CSGALNACT1: variants seen among roughly 807,000 people sequenced by gnomAD.
CSGALNACT1 encodes the protein beta4GalNAcT-1.
CSGALNACT1 carries 52 observed loss-of-function variants against 51.0 expected under a neutral mutation model. The ratio of observed to expected loss-of-function variants is 1.02; its 90% CI spans 0.82 to 1.29. The LOEUF (loss-of-function observed/expected upper bound fraction) is 1.29, where lower values mean the gene tolerates loss of function less well. Ranked by LOEUF, CSGALNACT1 falls within the 50% of genes most tolerant of loss-of-function variation. The pLI, the probability that CSGALNACT1 is intolerant of heterozygous loss-of-function variation, is 0.00. For synonymous variants in CSGALNACT1, 341 were observed against 254.4 expected (o/e 1.34, Z -3.24); for missense variants, 935 against 679.2 (o/e 1.38, Z -4.19).
chr8:19,705,671 A>G (rs1401406140), intron 1 of CSGALNACT1, among the ~76,000 whole-genome samples: 1 of 152,082 alleles, frequency 6.6e-6, no homozygotes, highest in Non-Finnish European at 1.5e-5. Context: ...GGGGAGGGGG[A>G]GGCTGCAGTG....
intron 3 of CSGALNACT1, among the ~76,000 whole-genome samples, chr8:19,532,266 C>G (rs1490493621): frequency 1.3e-5 from 2 of 152,112 alleles, no homozygotes; most frequent in African/African-American, 2.4e-5. Context: ...GCCATGGCTT[C>G]TTTATCCAAG....
chr8:19,519,223 C>A (rs1452186718), intron 3 of CSGALNACT1, among the ~76,000 whole-genome samples: 1 of 152,140 alleles, frequency 6.6e-6, no homozygotes, highest in Non-Finnish European at 1.5e-5. Context: ...GCTGGAGAAT[C>A]CTTGGACCTT....
chr8:19,718,271 T>G (rs2062925488), intron 1 of CSGALNACT1, among the ~76,000 whole-genome samples: 1 of 152,142 alleles, frequency 6.6e-6, no homozygotes. Flanking sequence ...TTTTTGTATT[T>G]TTGTATTTTT....
At chr8:19,465,050 T>C (rs1228795298) in intron 4 of CSGALNACT1, among the ~76,000 whole-genome samples, 1 of 152,174 alleles carries the variant, frequency 6.6e-6, no homozygotes, top group African/African-American at 2.4e-5. Flanking sequence ...GAACTCATGA[T>C]CACAGCAGCA....
At chr8:19,683,956 A>C (rs555987470), upstream of CSGALNACT1, among the ~76,000 whole-genome samples, 2 of 152,302 alleles carry the variant, frequency 1.3e-5, no homozygotes, top group South Asian at 4.1e-4. Context: ...ATCTGAGGTC[A>C]GGAGTTCAAA....
At chr8:19,457,230 A>C (rs1292709742) in intron 5 of CSGALNACT1, among the ~76,000 whole-genome samples, 3 of 152,242 alleles carry the variant, frequency 2.0e-5, no homozygotes, top group Admixed American at 2.0e-4. Flanking sequence ...AAATTCAAAC[A>C]GAGTACGCTC....
intron 3 of CSGALNACT1, among the ~76,000 whole-genome samples, chr8:19,512,910 C>G (rs2078726377): frequency 6.6e-6 from 1 of 152,128 alleles, no homozygotes; most frequent in Non-Finnish European, 1.5e-5. Flanking sequence ...GTAGAAGTAG[C>G]TGACTATTAC....
intron 1 of CSGALNACT1, among the ~76,000 whole-genome samples, chr8:19,691,805 C>T (rs1232918315): frequency 3.3e-5 from 5 of 152,124 alleles, no homozygotes; most frequent in East Asian, 1.9e-4. Context: ...CCAAGTGTGT[C>T]GCTGGGCTGG....
intron 3 of CSGALNACT1, among the ~76,000 whole-genome samples, chr8:19,539,476 G>A (rs2084567197): frequency 6.6e-6 from 1 of 152,182 alleles, no homozygotes; most frequent in Non-Finnish European, 1.5e-5. Context: ...CTGGCATATA[G>A]AAAGCACTGA....
chr8:19,426,557 G>A (rs1420457833), intron 6 of CSGALNACT1, among the ~76,000 whole-genome samples: 1 of 152,186 alleles, frequency 6.6e-6, no homozygotes, highest in African/African-American at 2.4e-5. Context: ...TTATGAAACT[G>A]AACGTGCAGT....
upstream of CSGALNACT1, among the ~76,000 whole-genome samples, chr8:19,684,321 C>A (rs989803144): frequency 6.6e-6 from 1 of 152,014 alleles, no homozygotes; most frequent in African/African-American, 2.4e-5. Context: ...GGAAAAGGTA[C>A]GTTCATTGAC....
At chr8:19,544,565 T>C (rs549232991) in intron 3 of CSGALNACT1, among the ~76,000 whole-genome samples, 1 of 152,192 alleles carries the variant, frequency 6.6e-6, no homozygotes, top group Admixed American at 6.5e-5. Flanking sequence ...CCTGATTGAA[T>C]GACCCTTTTG....
At chr8:19,727,182 G>C (rs559154785) in intron 1 of CSGALNACT1, among the ~76,000 whole-genome samples, 2 of 152,198 alleles carry the variant, frequency 1.3e-5, no homozygotes, top group East Asian at 3.9e-4. Context: ...GGAAATCAGA[G>C]GGCTTATGGA....
At chr8:19,407,454 G>C in intron 9 of CSGALNACT1, among the ~76,000 whole-genome samples, 1 of 152,110 alleles carries the variant, frequency 6.6e-6, no homozygotes, top group Middle Eastern at 3.2e-3. Context: ...CTGCACCTGA[G>C]ATCAACGTTT....
At chr8:19,492,386 G>C (rs1268012996) in intron 4 of CSGALNACT1, among the ~76,000 whole-genome samples, 1 of 152,228 alleles carries the variant, frequency 6.6e-6, no homozygotes, top group Non-Finnish European at 1.5e-5. Context: ...ATTATCCCAG[G>C]ATGGTAAATT....
chr8:19,741,241 T>C (rs554250292), intron 1 of CSGALNACT1, among the ~76,000 whole-genome samples: 241 of 152,126 alleles, frequency 1.6e-3, no homozygotes, highest in African/African-American at 5.6e-3. Flanking sequence ...CTCCCTATAG[T>C]AGGAAAAGTC....
intron 3 of CSGALNACT1, among the ~76,000 whole-genome samples, chr8:19,578,071 T>C (rs958516725): frequency 3.3e-5 from 5 of 152,238 alleles, no homozygotes; most frequent in South Asian, 2.1e-4. Context: ...GGCTGGAACA[T>C]GTTCCAGATC....
At chr8:19,629,504 C>T (rs2054920244) in intron 1 of CSGALNACT1, among the ~76,000 whole-genome samples, 1 of 152,240 alleles carries the variant, frequency 6.6e-6, no homozygotes, top group Admixed American at 6.5e-5. Context: ...TAAAGGCACT[C>T]AGCTGCCTGG....
intron 4 of CSGALNACT1, among the ~76,000 whole-genome samples, chr8:19,470,125 G>C (rs1469875151): frequency 6.6e-6 from 1 of 152,124 alleles, no homozygotes; most frequent in Non-Finnish European, 1.5e-5. Context: ...GAAGGTGAGA[G>C]GTGGATGGGA....
Sources: gnomAD v4.1 joint callset for allele counts (sites outside exome capture counted in the v4.1 genomes callset) on GRCh38, gnomAD v4.1.1 for gene constraint, MANE v1.5 for transcripts, NCBI Gene and HGNC (gene_info 2026-07-23, HGNC 2026-07-21) for gene names.